The following SNTG2 variants were observed in gnomAD, a reference collection of about 807,000 sequenced individuals.
The protein encoded by SNTG2 is gamma-2-syntrophin.
In SNTG2, 74 loss-of-function variants were observed where a neutral mutation model predicts 70.9. That is an observed-to-expected ratio of 1.04 (90% CI 0.86 to 1.27). The LOEUF is 1.27. Ranked by LOEUF, SNTG2 falls within the 50% of genes most tolerant of loss-of-function variation. The probability of loss-of-function intolerance (pLI) is 0.00; values close to 1 mark genes in which losing one functional copy is unlikely to be tolerated. For missense variants in SNTG2, 717 were observed against 690.7 expected, an observed-to-expected ratio of 1.04 and a Z score of -0.43; for synonymous variants, 278 against 273.8, an observed-to-expected ratio of 1.02 and a Z score of -0.15.
intron 16 of SNTG2, among the ~76,000 whole-genome samples, chr2:1,332,380 C>T (rs1461630153): frequency 6.6e-6 from 1 of 152,122 alleles, no homozygotes; most frequent in African/African-American, 2.4e-5. Flanking sequence ...TTTACTGAAA[C>T]TATTCCAAAA....
chr2:1,186,738 C>T (rs1380936653), intron 8 of SNTG2, among the ~76,000 whole-genome samples: 1 of 152,168 alleles, frequency 6.6e-6, no homozygotes, highest in Admixed American at 6.5e-5. Context: ...ATCTGATCAC[C>T]TCTCACCAAG....
chr2:1,104,138 C>T (rs1230220084), intron 4 of SNTG2, among the ~76,000 whole-genome samples: 1 of 152,202 alleles, frequency 6.6e-6, no homozygotes, highest in Non-Finnish European at 1.5e-5. Flanking sequence ...AATGGCAGAG[C>T]CGGGGAGTGA....
chr2:1,124,620 G>A (rs1667594529), intron 4 of SNTG2, among the ~76,000 whole-genome samples: 1 of 152,162 alleles, frequency 6.6e-6, no homozygotes, highest in Admixed American at 6.5e-5. Flanking sequence ...GAAGGAGGAG[G>A]TCCTGCCCTT....
At chr2:1,195,180 A>G (rs576847449) in intron 8 of SNTG2, among the ~76,000 whole-genome samples, 2 of 152,230 alleles carry the variant, frequency 1.3e-5, no homozygotes, top group Non-Finnish European at 2.9e-5. Context: ...CAGTTCCACA[A>G]TAAACATGTG....
intron 13 of SNTG2, among the ~76,000 whole-genome samples, chr2:1,266,648 G>T (rs2148182181): frequency 6.6e-6 from 1 of 152,202 alleles, no homozygotes; most frequent in Non-Finnish European, 1.5e-5. Flanking sequence ...TAGAGACTCG[G>T]AGGCGCAGGG....
chr2:1,177,210 T>C (rs1369787508), intron 8 of SNTG2, among the ~76,000 whole-genome samples: 1 of 152,144 alleles, frequency 6.6e-6, no homozygotes, highest in African/African-American at 2.4e-5. Context: ...GCCATTATCC[T>C]CAGCAAAATA....
At chr2:997,673 A>G (rs1558302018) in intron 1 of SNTG2, among the ~76,000 whole-genome samples, 2 of 152,198 alleles carry the variant, frequency 1.3e-5, no homozygotes, top group Admixed American at 6.5e-5. Flanking sequence ...GTGGTCTGGC[A>G]GGCCTGCCCT....
At chr2:1,084,093 G>A (rs981807488) in intron 2 of SNTG2, among the ~76,000 whole-genome samples, 1 of 152,130 alleles carries the variant, frequency 6.6e-6, no homozygotes, top group Non-Finnish European at 1.5e-5. Flanking sequence ...CACCATGTGA[G>A]ATGTGGAATG....
chr2:1,220,813 C>T lies in SNTG2; in HGVS notation c.719+11583C>T, dbSNP rs139618696. 5.9e-5 allele frequency among the ~76,000 whole-genome samples: 9 copies of T among 152,328 alleles called. No homozygotes were observed. In the East Asian group the frequency reaches 7.7e-4, roughly 13 times the overall value. ...AGAAGCCAGTGCTGCCTTCAACACC[C>T]GGCAGTTCTGGTGGGGGTGTCTTCC... On this transcript the variant is annotated intron_variant, in intron 9 of 16. Transcript: ENST00000308624.
chr2:1,082,383 C>T (rs1388615996), intron 1 of SNTG2, among the ~76,000 whole-genome samples: 1 of 152,168 alleles, frequency 6.6e-6, no homozygotes. Context: ...CTCCTTGAAC[C>T]CCCTGTTTGG....
At chr2:1,050,077 A>C (rs796420205) in intron 1 of SNTG2, among the ~76,000 whole-genome samples, 1 of 152,118 alleles carries the variant, frequency 6.6e-6, no homozygotes, top group African/African-American at 2.4e-5. Flanking sequence ...CCGATTTAGG[A>C]GTTCTTTACA....
At chr2:1,117,039 TGGTGTGTG>T (rs1667058581) in intron 4 of SNTG2, among the ~76,000 whole-genome samples, 2 of 61,992 alleles carry the variant, frequency 3.2e-5, no homozygotes, top group Non-Finnish European at 6.8e-5. Flanking sequence ...GTGAGTGCCC[TGGTGTGTG>T]GGTGCTCTGG....
At chr2:1,285,886 C>T (rs549703636) in intron 14 of SNTG2, among the ~76,000 whole-genome samples, 1 of 152,274 alleles carries the variant, frequency 6.6e-6, no homozygotes, top group South Asian at 2.1e-4. Flanking sequence ...TCCCATTGAC[C>T]TTAATCATAG....
At chr2:1,002,070 A>G (rs1220406730) in intron 1 of SNTG2, among the ~76,000 whole-genome samples, 2 of 152,160 alleles carry the variant, frequency 1.3e-5, no homozygotes, top group African/African-American at 4.8e-5. Flanking sequence ...ATGCAGAAGA[A>G]TTCAGCTGGA....
intron 14 of SNTG2, among the ~76,000 whole-genome samples, chr2:1,272,485 A>G (rs950547190): frequency 1.3e-5 from 1 of 76,050 alleles, no homozygotes. Flanking sequence ...AAAAAAAAAA[A>G]GGATTCTGTT....
At chr2:1,014,721 A>T in intron 1 of SNTG2, among the ~76,000 whole-genome samples, 1 of 139,626 alleles carries the variant, frequency 7.2e-6, no homozygotes, top group Non-Finnish European at 1.5e-5. Context: ...GGTGGTCTGT[A>T]GGGGAATTTA....
chr2:1,146,307 C>A (rs76935421), intron 6 of SNTG2, among the ~76,000 whole-genome samples: 10,821 of 152,044 alleles, frequency 0.071, 841 homozygotes, highest in African/African-American at 0.19. Context: ...TTTACATTAG[C>A]ACTAAAAGAA....
chr2:1,357,251 C>G (rs1305691771), intron 16 of SNTG2, among the ~76,000 whole-genome samples: 1 of 152,172 alleles, frequency 6.6e-6, no homozygotes, highest in Non-Finnish European at 1.5e-5. Context: ...ATTTCAGCCT[C>G]TCACCATAGA....
chr2:1,180,843 A>T (rs1014584606), intron 8 of SNTG2, among the ~76,000 whole-genome samples: 7 of 152,078 alleles, frequency 4.6e-5, no homozygotes, highest in Admixed American at 2.6e-4. Context: ...GATAGACTGG[A>T]TTAAGAAAAT....
Sources: allele counts gnomAD v4.1 joint callset (sites outside exome capture counted in the v4.1 genomes callset), GRCh38; gene constraint gnomAD v4.1.1; transcripts MANE v1.5; gene names NCBI Gene and HGNC (gene_info 2026-07-23, HGNC 2026-07-21).